Variants in NTM observed in about 807,000 individuals in gnomAD.
NTM encodes the protein IgLON family member 2.
In NTM, 13 loss-of-function variants were observed where a neutral mutation model predicts 42.1. That is an observed-to-expected ratio of 0.31 (90% CI 0.20 to 0.49). The LOEUF (loss-of-function observed/expected upper bound fraction) is 0.49. NTM is among the 20% of genes least tolerant of loss of function. The pLI, the probability that NTM is intolerant of heterozygous loss-of-function variation, is 0.99. For synonymous variants in NTM, 187 were observed against 179.2 expected, an observed-to-expected ratio of 1.04 and a Z score of -0.35; for missense variants, 373 against 452.8, an observed-to-expected ratio of 0.82 and a Z score of 1.60.
chr11:132,308,812 A>C (rs2095185832), intron 5 of NTM, among the ~76,000 whole-genome samples: 1 of 152,200 alleles, frequency 6.6e-6, no homozygotes, highest in Non-Finnish European at 1.5e-5. Flanking sequence ...AGTTTTTACA[A>C]AGGGACTTAA....
intron 2 of NTM, among the ~76,000 whole-genome samples, chr11:132,077,865 G>C (rs1049413592): frequency 6.6e-6 from 1 of 152,050 alleles, no homozygotes; most frequent in African/African-American, 2.4e-5. Context: ...CCTCTGGAAG[G>C]GCTGGGATTA....
chr11:131,482,150 C>T (rs1165804682), intron 1 of NTM, among the ~76,000 whole-genome samples: 1 of 152,154 alleles, frequency 6.6e-6, no homozygotes, highest in Non-Finnish European at 1.5e-5. Flanking sequence ...AGCCCTTTTT[C>T]ATGTCGTACT....
intron 1 of NTM, among the ~76,000 whole-genome samples, chr11:131,649,284 G>A (rs576994547): frequency 1.3e-5 from 2 of 152,358 alleles, no homozygotes; most frequent in South Asian, 4.1e-4. Context: ...AGTTATTGCT[G>A]TGATAATCAT....
At chr11:131,796,177 G>C (rs576593712) in intron 1 of NTM, 3 of 985,224 alleles carry the variant, frequency 3.0e-6, no homozygotes, top group African/African-American at 3.5e-5. Context: ...CCTGCAGCTG[G>C]GGAAACAAAG....
chr11:131,641,729 A>AT (rs139661617), intron 1 of NTM, among the ~76,000 whole-genome samples: 19,885 of 140,446 alleles, frequency 0.14, 1,442 homozygotes, highest in Admixed American at 0.2. Flanking sequence ...AATAGTCTAG[A>AT]TTTTTTTTTT....
chr11:131,942,099 T>C (rs80327962), intron 2 of NTM, among the ~76,000 whole-genome samples: 1,853 of 152,298 alleles, frequency 0.012, 32 homozygotes, highest in African/African-American at 0.043. Flanking sequence ...GAAGTTGTCA[T>C]ATCACAGGAA....
chr11:131,969,557 C>A (rs983863712), intron 2 of NTM, among the ~76,000 whole-genome samples: 1 of 152,174 alleles, frequency 6.6e-6, no homozygotes, highest in African/African-American at 2.4e-5. Flanking sequence ...GTCCTCCATG[C>A]CTTTCACTAT....
rs922300971 is a variant in NTM at position 132,059,229 on chromosome 11, G to A, written c.168-87053G>A. ...GCCTCTTTGTAGAGAGGAGCTTGTC[G>A]GACACATGGGATTCACGGGCCAGGT... On this transcript the variant is annotated intron_variant, in intron 2 of 8. Coordinates refer to ENST00000683400, the MANE Select transcript of NTM (RefSeq NM_001352005.2). 3.9e-5 allele frequency among the ~76,000 whole-genome samples: 6 copies of A among 152,184 alleles called. No homozygotes were observed. In the South Asian group the frequency reaches 6.2e-4, roughly 16 times the overall value.
intron 1 of NTM, among the ~76,000 whole-genome samples, chr11:131,701,321 A>C (rs2076049499): frequency 6.6e-6 from 1 of 152,298 alleles, no homozygotes; most frequent in Admixed American, 6.5e-5. Flanking sequence ...TAAATGAGAA[A>C]CTGTATGTAA....
intron 2 of NTM, among the ~76,000 whole-genome samples, chr11:132,117,301 G>T (rs987224053): frequency 1.3e-5 from 2 of 152,310 alleles, no homozygotes; most frequent in South Asian, 4.1e-4. Flanking sequence ...TTCTCTAGTT[G>T]ATTGAGTTTG....
chr11:131,656,223 A>T (rs1163196658), intron 1 of NTM, among the ~76,000 whole-genome samples: 2 of 152,258 alleles, frequency 1.3e-5, no homozygotes, highest in African/African-American at 4.8e-5. Context: ...ACCTCAGGAA[A>T]AAAAGTGTAA....
intron 2 of NTM, among the ~76,000 whole-genome samples, chr11:132,119,589 G>C (rs2064437237): frequency 6.6e-6 from 1 of 152,232 alleles, no homozygotes; most frequent in Non-Finnish European, 1.5e-5. Flanking sequence ...AGCTGGGTGA[G>C]GAGTCAGTGC....
chr11:131,562,747 T>C (rs2056396945), intron 1 of NTM, among the ~76,000 whole-genome samples: 1 of 152,228 alleles, frequency 6.6e-6, no homozygotes, highest in Non-Finnish European at 1.5e-5. Flanking sequence ...TACAGGGTGC[T>C]TTCTTTCTGG....
chr11:131,740,556 T>C (rs1271900028), intron 1 of NTM, among the ~76,000 whole-genome samples: 2 of 152,166 alleles, frequency 1.3e-5, no homozygotes, highest in Non-Finnish European at 2.9e-5. Flanking sequence ...AAAGTGTTTA[T>C]TTTCTTCAAT....
chr11:131,891,710 T>C (rs1475009769), intron 1 of NTM, among the ~76,000 whole-genome samples: 1 of 152,168 alleles, frequency 6.6e-6, no homozygotes, highest in East Asian at 1.9e-4. Context: ...CCCATGTATT[T>C]TTCTGTGGAC....
At chr11:132,215,134 A>G (rs960587800) in intron 4 of NTM, among the ~76,000 whole-genome samples, 5 of 152,222 alleles carry the variant, frequency 3.3e-5, no homozygotes, top group African/African-American at 1.2e-4. Flanking sequence ...TCCTTGGAGA[A>G]GAAGATCTGC....
chr11:132,268,662 CTCTCTCTCTGTGTGTG>C (rs1173569151), intron 4 of NTM, among the ~76,000 whole-genome samples: 2 of 67,866 alleles, frequency 2.9e-5, no homozygotes, highest in South Asian at 3.3e-4. Context: ...GGGGTCCTCT[CTCTCTCTCTGTGTGTG>C]TGTGTGTGTG....
At chr11:131,873,015 T>C (rs1305255378) in intron 1 of NTM, among the ~76,000 whole-genome samples, 1 of 152,192 alleles carries the variant, frequency 6.6e-6, no homozygotes, top group African/African-American at 2.4e-5. Flanking sequence ...TGTTGTGTCC[T>C]GACTTTTTAA....
intron 2 of NTM, among the ~76,000 whole-genome samples, chr11:132,026,575 A>G (rs2075211096): frequency 6.6e-6 from 1 of 152,056 alleles, no homozygotes; most frequent in African/African-American, 2.4e-5. Flanking sequence ...ATCTGCTTTC[A>G]TATGGTGCTA....
Sources: allele counts gnomAD v4.1 joint callset (sites outside exome capture counted in the v4.1 genomes callset), GRCh38; gene constraint gnomAD v4.1.1; transcripts MANE v1.5; gene names NCBI Gene and HGNC (gene_info 2026-07-23, HGNC 2026-07-21).